The following TBC1D22A variants were observed in gnomAD, a reference collection of about 807,000 sequenced individuals.
TBC1D22A encodes the protein TBC1 domain family member 22A, also known as putative GTPase activator.
A neutral mutation model predicts 60.2 loss-of-function variants in TBC1D22A; 38 were observed. The ratio of observed to expected loss-of-function variants is 0.63; its 90% confidence interval spans 0.49 to 0.83. The LOEUF (loss-of-function observed/expected upper bound fraction) is 0.83. TBC1D22A is among the 40% of genes least tolerant of loss of function. TBC1D22A has a pLI of 0.00. For missense variants in TBC1D22A, 628 were observed against 701.0 expected (o/e 0.90, Z 1.18); for synonymous variants, 302 against 281.7 (o/e 1.07, Z -0.72).
At position 47,059,374 on chromosome 22, in the gene TBC1D22A, C is replaced by T. The variant is rs148524262; in HGVS notation, c.1329+22176C>T. Among the ~76,000 whole-genome samples the T allele has an allele frequency of 1.6e-3, 250 of 152,346 alleles. 1 individual carries two copies. The highest frequency in any genetic ancestry group is 5.8e-3 in the African/African-American group (242 of 41,574). On this transcript the variant is annotated intron_variant, in intron 11 of 12. Coordinates refer to ENST00000337137, the MANE Select transcript of TBC1D22A (RefSeq NM_014346.5). ...GGGCGTTGCACTGGCAGCGTCCCCC[C>T]GGCCTCTCACACCAGCGCCCACTCT...
intron 4 of TBC1D22A, among the ~76,000 whole-genome samples, chr22:46,849,698 G>C (rs977272781): frequency 3.3e-5 from 5 of 152,158 alleles, no homozygotes; most frequent in African/African-American, 1.2e-4. Context: ...ATCTTGGATT[G>C]GTTGTGCAGC....
intron 10 of TBC1D22A, among the ~76,000 whole-genome samples, chr22:47,010,364 C>T (rs1388622299): frequency 1.3e-5 from 2 of 152,196 alleles, no homozygotes; most frequent in Non-Finnish European, 2.9e-5. Flanking sequence ...TCATTAGGCT[C>T]CAGAAGGGCA....
chr22:46,792,243 T>TGTGGTG (rs1451315679), intron 1 of TBC1D22A, among the ~76,000 whole-genome samples: 1 of 150,366 alleles, frequency 6.7e-6, no homozygotes, highest in Non-Finnish European at 1.5e-5. Context: ...CCCGAGGGTC[T>TGTGGTG]GTGGTGGTGC....
chr22:47,071,472 T>C (rs1603233210), intron 11 of TBC1D22A, among the ~76,000 whole-genome samples: 1 of 152,220 alleles, frequency 6.6e-6, no homozygotes, highest in African/African-American at 2.4e-5. Context: ...ACTGAGCTTC[T>C]GCAGCAGCAC....
chr22:47,021,947 A>T (rs1461476788), intron 10 of TBC1D22A, among the ~76,000 whole-genome samples: 1 of 152,200 alleles, frequency 6.6e-6, no homozygotes, highest in Non-Finnish European at 1.5e-5. Flanking sequence ...GGCAGTGTAG[A>T]CAGGGCTGAG....
At chr22:47,138,427 C>T (rs953385493) in intron 12 of TBC1D22A, among the ~76,000 whole-genome samples, 2 of 152,110 alleles carry the variant, frequency 1.3e-5, no homozygotes, top group East Asian at 3.9e-4. Flanking sequence ...CAGGGAGGGC[C>T]GTGGACAGTG....
chr22:46,936,990 C>G (rs1174680550), intron 8 of TBC1D22A, among the ~76,000 whole-genome samples: 1 of 151,298 alleles, frequency 6.6e-6, no homozygotes, highest in Admixed American at 6.5e-5. Flanking sequence ...TCATGCTTGG[C>G]TTTTTTGTGG....
chr22:46,767,728 C>G (rs181463880), intron 1 of TBC1D22A, among the ~76,000 whole-genome samples: 1 of 152,000 alleles, frequency 6.6e-6, no homozygotes, highest in Admixed American at 6.6e-5. Flanking sequence ...AAGATTTGCA[C>G]GAGGTGAGGG....
chr22:47,033,692 T>A (rs1768259227), intron 10 of TBC1D22A, among the ~76,000 whole-genome samples: 1 of 152,198 alleles, frequency 6.6e-6, no homozygotes, highest in Non-Finnish European at 1.5e-5. Context: ...AGTTTTGACG[T>A]CTGGGTAGCC....
intron 11 of TBC1D22A, among the ~76,000 whole-genome samples, chr22:47,079,601 A>G (rs900658703): frequency 1.6e-4 from 24 of 152,340 alleles, no homozygotes; most frequent in Admixed American, 6.5e-4. Context: ...GATGTATTCT[A>G]TAAACCCTAG....
chr22:46,825,237 C>T (rs1379847167), intron 4 of TBC1D22A, among the ~76,000 whole-genome samples: 1 of 152,096 alleles, frequency 6.6e-6, no homozygotes, highest in Non-Finnish European at 1.5e-5. Context: ...ATTCCTTTTG[C>T]CACCAGGAAT....
Position 47,158,811 on chromosome 22 carries a change from C to T in TBC1D22A, c.1426-14687C>T, listed in dbSNP as rs73889446. Among the ~76,000 whole-genome samples the T allele has an allele frequency of 8.9e-3, 1,356 of 152,220 alleles. 30 individuals carry two copies. The highest frequency in any genetic ancestry group is 0.031 in the African/African-American group (1,298 of 41,516). On this transcript the variant is annotated intron_variant, in intron 12 of 12. Transcript: ENST00000337137. ...AGCCAGAGGCACCTGCACAGGGTCC[C>T]GCAGCCACCAGCCAGGGCAGGACCT...
chr22:47,012,706 T>C (rs1397042237), intron 10 of TBC1D22A, among the ~76,000 whole-genome samples: 2 of 152,230 alleles, frequency 1.3e-5, no homozygotes, highest in African/African-American at 4.8e-5. Context: ...ATCCCACTTT[T>C]GGACTGTGGC....
At chr22:46,766,414 C>T (rs987533223) in intron 1 of TBC1D22A, among the ~76,000 whole-genome samples, 2 of 152,232 alleles carry the variant, frequency 1.3e-5, no homozygotes, top group Non-Finnish European at 2.9e-5. Context: ...CAGGCGTGAG[C>T]CACCACACCC....
intron 7 of TBC1D22A, among the ~76,000 whole-genome samples, chr22:46,896,666 GT>G (rs980139246): frequency 6.6e-6 from 1 of 152,054 alleles, no homozygotes; most frequent in East Asian, 1.9e-4. Context: ...GTGTTGTGTT[GT>G]TTTTTTGTCG....
intron 8 of TBC1D22A, among the ~76,000 whole-genome samples, chr22:46,965,002 G>A (rs1048723930): frequency 2.0e-5 from 3 of 152,220 alleles, no homozygotes; most frequent in African/African-American, 4.8e-5. Flanking sequence ...CTTTGGGGCC[G>A]AGCGTCAGAG....
At chr22:46,791,249 T>C (rs781524469) in intron 1 of TBC1D22A, among the ~76,000 whole-genome samples, 2 of 152,194 alleles carry the variant, frequency 1.3e-5, no homozygotes, top group Non-Finnish European at 2.9e-5. Flanking sequence ...CCTAAACTCC[T>C]GAGCTCAAGC....
At chr22:47,063,340 A>G (rs569325282) in intron 11 of TBC1D22A, among the ~76,000 whole-genome samples, 13 of 152,258 alleles carry the variant, frequency 8.5e-5, no homozygotes, top group Admixed American at 6.5e-4. Context: ...GTCTGAGGGT[A>G]GGTGAAGAGG....
chr22:46,906,801 ATG>A (rs56825272), intron 7 of TBC1D22A, among the ~76,000 whole-genome samples: 180 of 141,876 alleles, frequency 1.3e-3, no homozygotes, highest in African/African-American at 4.9e-3. Flanking sequence ...GTGTGTGTGT[ATG>A]TGTGTGTGTG....
Sources: allele counts gnomAD v4.1 joint callset (sites outside exome capture counted in the v4.1 genomes callset), GRCh38; gene constraint gnomAD v4.1.1; transcripts MANE v1.5; gene names NCBI Gene and HGNC (gene_info 2026-07-23, HGNC 2026-07-21).